NEDD1: variants seen among roughly 807,000 people sequenced by gnomAD.
NEDD1 encodes protein NEDD1.
In NEDD1, 33 loss-of-function variants were observed where a neutral mutation model predicts 74.0. The ratio of observed to expected loss-of-function variants is 0.45; its 90% CI spans 0.34 to 0.60. The LOEUF (loss-of-function observed/expected upper bound fraction) is 0.60, where lower values mean the gene tolerates loss of function less well. Among genes scored for constraint, NEDD1 ranks in the 20% least tolerant of loss-of-function variants. The pLI is 0.01. For synonymous variants in NEDD1, 250 were observed against 264.4 expected, an observed-to-expected ratio of 0.95 and a Z score of 0.53; for missense variants, 746 against 776.5, an observed-to-expected ratio of 0.96 and a Z score of 0.47.
chr12:96,931,173 TG>T (rs1876428133), intron 6 of NEDD1, among the ~76,000 whole-genome samples: 1 of 152,168 alleles, frequency 6.6e-6, no homozygotes. Flanking sequence ...TATGTTAAGA[TG>T]TTTGTATTAA....
chr12:96,914,730 T>C (rs1412263037), intron 4 of NEDD1, among the ~76,000 whole-genome samples: 2 of 152,296 alleles, frequency 1.3e-5, no homozygotes, highest in Middle Eastern at 3.4e-3. Flanking sequence ...TTTCTTTGAT[T>C]TTGTATTTCA....
chr12:96,931,724 T>G (rs1441963675), intron 6 of NEDD1, among the ~76,000 whole-genome samples: 1 of 152,132 alleles, frequency 6.6e-6, no homozygotes, highest in Non-Finnish European at 1.5e-5. Context: ...TAAAATCAAG[T>G]AGAAAACATT....
At position 96,948,527 on chromosome 12, in the gene NEDD1, G is replaced by A. The variant is rs143778712; in HGVS notation, c.1811+2678G>A. Among the ~76,000 whole-genome samples the A allele has an allele frequency of 8.2e-3, 1,245 of 151,988 alleles. 11 individuals carry two copies. The highest frequency in any genetic ancestry group is 0.011 in the Non-Finnish European group (732 of 67,960). On this transcript the variant is annotated intron_variant, in intron 14 of 15. Transcript: ENST00000266742. ...AGATTTCTTTCCATTCTCAGCTCTCGGTTGAATTTAAAATAATATGATTTT... is the reference window on the plus strand; with the variant it reads ...AGATTTCTTTCCATTCTCAGCTCTCAGTTGAATTTAAAATAATATGATTTT...
intron 6 of NEDD1, among the ~76,000 whole-genome samples, chr12:96,930,812 A>G (rs1391813636): frequency 6.6e-6 from 1 of 152,158 alleles, no homozygotes; most frequent in Non-Finnish European, 1.5e-5. Flanking sequence ...GCTTTTCTAC[A>G]TACACATACA....
chr12:96,921,887 A>T (rs938113134), intron 6 of NEDD1, among the ~76,000 whole-genome samples: 1 of 151,792 alleles, frequency 6.6e-6, no homozygotes, highest in South Asian at 2.1e-4. Context: ...AAGTGCTGGG[A>T]TTACAGGCAT....
In NEDD1 at chr12:96,937,357, A is replaced by G. The variant is rs763590951; in HGVS notation, c.1081A>G (p.Met361Val). The change falls in exon 9 of 16, where the codon ATG becomes GTG. Residue 361 changes from methionine (M) to valine (V), a missense_variant. Coordinates refer to ENST00000266742, the MANE Select transcript of NEDD1 (RefSeq NM_152905.4). The part of the protein sequence containing the change: ...TVLPQPMTSA[M>V]GKGTVAVQEK... Reference sequence around the variant, plus strand: ...TCTACCACAACCTATGACATCAGCTATGGGGAAAGGAACAGTTGCTGTTCA... The same window carrying G: ...TCTACCACAACCTATGACATCAGCTGTGGGGAAAGGAACAGTTGCTGTTCA... 19 of 1,608,886 alleles carry G rather than the reference A, an allele frequency of 1.2e-5. No individual in the cohort carries two copies. Among genetic ancestry groups the G allele is most frequent in the Non-Finnish European group, 1.5e-5 (18 of 1,177,310 alleles).
Position 96,945,703 on chromosome 12 carries a change from A to G in NEDD1, c.1665A>G (p.Ile555Met). Residue 555 changes from isoleucine (I) to methionine (M), a missense_variant, in exon 14 of 16, where the codon ATA (isoleucine) becomes ATG (methionine). Ile to Met is a conservative substitution (Grantham distance 10). Coordinates refer to ENST00000266742, the MANE Select transcript of NEDD1 (RefSeq NM_152905.4). ...INGSSTPNPKIASSVTAGVAS... is the reference protein window; with the variant it reads ...INGSSTPNPKMASSVTAGVAS... ...CATTCTTTATTTTAGATCCAAAGATAGCATCTTCTGTCACTGCTGGAGTTG... is the reference window on the plus strand; with the variant it reads ...CATTCTTTATTTTAGATCCAAAGATGGCATCTTCTGTCACTGCTGGAGTTG... The G allele has an allele frequency of 1.9e-6, 3 of 1,590,516 alleles. No individual in the cohort carries two copies. Among genetic ancestry groups the G allele is most frequent in the South Asian group, 1.1e-5 (1 of 90,478 alleles).
chr12:96,916,165 T>C (rs1214500892), intron 4 of NEDD1, among the ~76,000 whole-genome samples: 1 of 151,866 alleles, frequency 6.6e-6, no homozygotes. Context: ...GCCCAAATAA[T>C]AGGACTTTGA....
rs201645365 is a variant in NEDD1, at chr12:96,909,944, T to A, written c.136+49T>A. The A allele has an allele frequency of 4.5e-6, 7 of 1,562,898 alleles. No homozygotes were observed. In the East Asian group the frequency reaches 1.6e-4, roughly 35 times the overall value. ...CACACACACACACACAAACCGCTTATTAGGTTAAACAACCACTGTCAATGA... is the reference window on the plus strand; with the variant it reads ...CACACACACACACACAAACCGCTTAATAGGTTAAACAACCACTGTCAATGA... On this transcript the variant is annotated intron_variant, in intron 3 of 15. Coordinates refer to ENST00000266742, the MANE Select transcript of NEDD1 (RefSeq NM_152905.4).
chr12:96,907,375 G>C (rs1873425071), intron 1 of NEDD1, 75 bp downstream of exon 1: 1 of 453,350 alleles, frequency 2.2e-6, no homozygotes, highest in East Asian at 3.8e-5. Flanking sequence ...CCTAAGACCC[G>C]CTCCGTCCCC....
At chr12:96,920,854 T>A (rs1159530714) in intron 6 of NEDD1, among the ~76,000 whole-genome samples, 4 of 152,316 alleles carry the variant, frequency 2.6e-5, no homozygotes, top group South Asian at 2.1e-4. Flanking sequence ...GTAGTTTTTT[T>A]AAATTATTAC....
At chr12:96,920,616 G>C (rs970437838) in intron 6 of NEDD1, among the ~76,000 whole-genome samples, 1 of 152,140 alleles carries the variant, frequency 6.6e-6, no homozygotes, top group Non-Finnish European at 1.5e-5. Context: ...GTTAATATAA[G>C]AGTGTTTTGG....
chr12:96,912,194 G>T (rs1239256146), intron 3 of NEDD1, among the ~76,000 whole-genome samples: 8 of 151,174 alleles, frequency 5.3e-5, no homozygotes, highest in African/African-American at 1.9e-4. Flanking sequence ...TACTGTAATA[G>T]TCATTCTTAA....
intron 4 of NEDD1, among the ~76,000 whole-genome samples, chr12:96,913,143 C>T (rs1334444875): frequency 6.6e-6 from 1 of 152,026 alleles, no homozygotes; most frequent in African/African-American, 2.4e-5. Context: ...CTAGGTTGAC[C>T]TGAGCATATA....
In NEDD1 at chr12:96,937,242, C is replaced by T; in HGVS notation, c.966C>T (p.Asn322=). The T allele has an allele frequency of 1.9e-6, 3 of 1,611,256 alleles. No homozygotes were observed. Among genetic ancestry groups the T allele is most frequent in the Non-Finnish European group, 2.5e-6 (3 of 1,178,564 alleles). The change falls in exon 9 of 16, where the codon AAC becomes AAT. Residue 322 remains asparagine (N), a synonymous_variant. Transcript: ENST00000266742. ...GTTCAAATAAGCCCACAACAGTGAA[C>T]AAACGAAGTGTTAATGTGAATGCTG... The part of the protein sequence containing the change: ...KGCSNKPTTV[N]KRSVNVNAAS...
chr12:96,947,194 A>G (rs1296788647), intron 14 of NEDD1, among the ~76,000 whole-genome samples: 1 of 152,128 alleles, frequency 6.6e-6, no homozygotes, highest in Non-Finnish European at 1.5e-5. Flanking sequence ...TATTTTTAAT[A>G]CACAGTGTTA....
chr12:96,926,228 C>G (rs1198228111), intron 6 of NEDD1, among the ~76,000 whole-genome samples: 1 of 152,134 alleles, frequency 6.6e-6, no homozygotes, highest in African/African-American at 2.4e-5. Flanking sequence ...AACCCAGTTG[C>G]AACTTGACCC....
rs749826269 is a variant in NEDD1 at position 96,940,551 on chromosome 12, G to A, written c.1246+14G>A. On this transcript the variant is annotated intron_variant, in intron 10 of 15. Transcript: ENST00000266742. Reference sequence around the variant, plus strand: ...CTATCAGAGATGGTAAGTCTGTTCAGAGGATCCTGTTCTCTTGCTGGTAGT... The same window carrying A: ...CTATCAGAGATGGTAAGTCTGTTCAAAGGATCCTGTTCTCTTGCTGGTAGT... 6.3e-7 allele frequency: 1 copy of A among 1,579,406 alleles called. No homozygotes were observed. The highest frequency in any genetic ancestry group is 8.6e-7 in the Non-Finnish European group (1 of 1,156,946).
chr12:96,923,816 G>GTGTT (rs1875386459), intron 6 of NEDD1, among the ~76,000 whole-genome samples: 9 of 147,444 alleles, frequency 6.1e-5, no homozygotes, highest in Admixed American at 6.1e-4. Flanking sequence ...GTGTGTGTGT[G>GTGTT]TGTGTGTGTG....
Sources: gnomAD v4.1 joint callset for allele counts (sites outside exome capture counted in the v4.1 genomes callset) on GRCh38, gnomAD v4.1.1 for gene constraint, MANE v1.5 for transcripts, NCBI Gene and HGNC (gene_info 2026-07-23, HGNC 2026-07-21) for gene names.